The following PHF19 variants were observed in gnomAD, a reference collection of about 807,000 sequenced individuals.
The protein encoded by PHF19 is polycomb like 3.
Under a neutral mutation model 79.8 loss-of-function variants are expected in PHF19, and 21 were observed. That is an observed-to-expected ratio of 0.26 (90% CI 0.19 to 0.38). The LOEUF (loss-of-function observed/expected upper bound fraction) is 0.38, where lower values mean the gene tolerates loss of function less well. Among genes scored for constraint, PHF19 ranks in the 10% least tolerant of loss-of-function variants. PHF19 has a pLI of 1.00. For synonymous variants in PHF19, 273 were observed against 296.3 expected, an observed-to-expected ratio of 0.92 and a Z score of 0.81; for missense variants, 445 against 744.2, an observed-to-expected ratio of 0.60 and a Z score of 4.68.
At chr9:120,873,905 G>A in intron 3 of PHF19, 74 bp downstream of exon 3, 1 of 770,256 alleles carries the variant, frequency 1.3e-6, no homozygotes, top group Non-Finnish European at 2.3e-6. Context: ...AAGGACAGAA[G>A]GAAGAAATGA....
upstream of PHF19, chr9:120,877,229 G>GGGCGGGGCGGGGGCGC (rs2046091838): frequency 1.1e-6 from 1 of 949,868 alleles, no homozygotes; most frequent in Non-Finnish European, 1.3e-6. Flanking sequence ...GGCGGGGGCG[G>GGGCGGGGCGGGGGCGC]GGCGGGGCGG....
intron 10 of PHF19, among the ~76,000 whole-genome samples, chr9:120,863,310 G>A (rs1202189606): frequency 6.6e-6 from 1 of 151,654 alleles, no homozygotes; most frequent in African/African-American, 2.4e-5. Context: ...GGAAGAGAGA[G>A]TGGATAATTC....
intron 1 of PHF19, among the ~76,000 whole-genome samples, chr9:120,894,471 C>A (rs980278850): frequency 1.3e-5 from 2 of 152,210 alleles, no homozygotes; most frequent in Non-Finnish European, 1.5e-5. Flanking sequence ...TTCTGGCCAT[C>A]CCGGAGGTAC....
At chr9:120,858,805 C>T (rs2045421928) in intron 14 of PHF19, among the ~76,000 whole-genome samples, 1 of 115,572 alleles carries the variant, frequency 8.7e-6, no homozygotes, top group Non-Finnish European at 1.9e-5. Context: ...GAGAGACTGA[C>T]AGACATCACA....
At chr9:120,885,076 G>A (rs1459252854) in intron 1 of PHF19, among the ~76,000 whole-genome samples, 4 of 151,988 alleles carry the variant, frequency 2.6e-5, no homozygotes, top group Non-Finnish European at 5.9e-5. Context: ...TAAATTAGCT[G>A]GGGTGGTGAC....
chr9:120,896,408 T>G (rs980773199), upstream of PHF19, among the ~76,000 whole-genome samples: 15 of 151,112 alleles, frequency 9.9e-5, 1 homozygote, highest in African/African-American at 3.4e-4. Context: ...ACAGTGTTGG[T>G]TTTTGTGTAG....
Position 120,857,725 on chromosome 9 carries a change from G to A in PHF19, c.*219C>T, listed in dbSNP as rs2045392079. 1 of 511,496 alleles carries A rather than the reference G, an allele frequency of 2.0e-6. No individual in the cohort carries two copies. The highest frequency in any genetic ancestry group is 3.5e-6 in the Non-Finnish European group (1 of 288,838). 31.7% of individuals were successfully genotyped at this position (511,496 alleles called of 1,614,324 possible). A position where few individuals can be genotyped will look rare whatever the true frequency, so the allele number is the denominator to read the frequency against. On this transcript the variant is annotated 3_prime_UTR_variant, in exon 15 of 15. Transcript: ENST00000373896. ...GGGTGTGGAGTGTGTAGAGACACAG[G>A]CACAGGGGTAACGAGCCTGAGGAGG... is the stretch of plus-strand genomic sequence containing the variant.
chr9:120,898,583 A>C (rs2046419342), upstream of PHF19, among the ~76,000 whole-genome samples: 1 of 152,238 alleles, frequency 6.6e-6, no homozygotes, highest in Non-Finnish European at 1.5e-5. Flanking sequence ...TTCAGAACTA[A>C]AACTGGATGT....
At chr9:120,868,970 CCT>C in intron 6 of PHF19, 1 of 317,484 alleles carries the variant, frequency 3.1e-6, no homozygotes, top group Non-Finnish European at 4.5e-6. Context: ...CTGACCCCCC[CCT>C]CCCCGAGTCC....
intron 1 of PHF19, among the ~76,000 whole-genome samples, chr9:120,885,806 C>T (rs1366779042): frequency 2.6e-5 from 4 of 152,138 alleles, no homozygotes; most frequent in Non-Finnish European, 4.4e-5. Context: ...TTGAGTGTTC[C>T]ATGACATGTG....
chr9:120,894,986 G>T, upstream of PHF19: 1 of 373,860 alleles, frequency 2.7e-6, no homozygotes, highest in South Asian at 1.4e-4. Context: ...GCCTGCCATG[G>T]GCGAGGACCT....
upstream of PHF19, among the ~76,000 whole-genome samples, chr9:120,898,152 T>G (rs2046416940): frequency 6.6e-6 from 1 of 152,234 alleles, no homozygotes; most frequent in African/African-American, 2.4e-5. Context: ...AGTCTTGCTC[T>G]GTCTCCCAGG....
Position 120,860,025 on chromosome 9 carries a change from G to C in PHF19, c.1400+65C>G. On this transcript the variant is annotated intron_variant, in intron 14 of 14. Coordinates refer to ENST00000373896, the MANE Select transcript of PHF19 (RefSeq NM_015651.3). This position sits in a 1 kb window ranked among gnomAD's most constrained non-coding sequence, Gnocchi z 4.1. Reference sequence around the variant, plus strand: ...GAGCCACACATTACAGAAGTGGGAGGTGGAGGGGCTGAGAGGAATGATGGT... The same window carrying C: ...GAGCCACACATTACAGAAGTGGGAGCTGGAGGGGCTGAGAGGAATGATGGT... 1 of 814,186 alleles carries C rather than the reference G, an allele frequency of 1.2e-6. No homozygotes were observed. Among genetic ancestry groups the C allele is most frequent in the Admixed American group, 2.0e-5 (1 of 50,052 alleles). 50.4% of individuals were successfully genotyped at this position (814,186 alleles called of 1,614,324 possible). A position where few individuals can be genotyped will look rare whatever the true frequency, so the allele number is the denominator to read the frequency against.
At chr9:120,887,887 C>T (rs2046289032) in intron 1 of PHF19, among the ~76,000 whole-genome samples, 1 of 152,174 alleles carries the variant, frequency 6.6e-6, no homozygotes. Context: ...TTCTGCTTCT[C>T]CAGGGACTGA....
chr9:120,869,596 T>C lies in PHF19; in HGVS notation c.465+249A>G, dbSNP rs1321146101. The C allele has an allele frequency of 1.4e-6, 2 of 1,477,624 alleles. No homozygotes were observed. Among genetic ancestry groups the C allele is most frequent in the Non-Finnish European group, 1.8e-6 (2 of 1,115,282 alleles). 91.5% of individuals were successfully genotyped at this position (1,477,624 alleles called of 1,614,324 possible). ...CATGTATTTACATGGATTTTCTTTT[T>C]TAATAGTAAAGCATCATTTATTGGT... On this transcript the variant is annotated intron_variant, in intron 5 of 14. Coordinates refer to ENST00000373896, the MANE Select transcript of PHF19 (RefSeq NM_015651.3). This position sits in a 1 kb window ranked among gnomAD's most constrained non-coding sequence, Gnocchi z 5.8.
In PHF19 at chr9:120,870,866, G is replaced by T. The variant is rs1363272015; in HGVS notation, c.269-328C>A. On this transcript the variant is annotated intron_variant, in intron 3 of 14. Transcript: ENST00000373896. The surrounding 1 kb of genome is among the most constrained non-coding windows in gnomAD (Gnocchi z 4.4). ...CCTTATTTAACTTGTTTTGTTAAATGGTTGTTATTTTCTTAAAACTTTATT... is the reference window on the plus strand; with the variant it reads ...CCTTATTTAACTTGTTTTGTTAAATTGTTGTTATTTTCTTAAAACTTTATT... Among the ~76,000 whole-genome samples, 1 of 152,138 alleles carries T rather than the reference G, an allele frequency of 6.6e-6. No homozygotes were observed. Among genetic ancestry groups the T allele is most frequent in the Non-Finnish European group, 1.5e-5 (1 of 68,024 alleles).
chr9:120,862,495 G>A lies in PHF19; in HGVS notation c.1130+93C>T. ...CTAGCCCTCTCAGGGTCCTACAGCT[G>A]GGACTGGCTGGGTGCAGGTCCTCCT... is the stretch of plus-strand genomic sequence containing the variant. On this transcript the variant is annotated intron_variant, in intron 11 of 14. Coordinates refer to ENST00000373896, the MANE Select transcript of PHF19 (RefSeq NM_015651.3). This position sits in a 1 kb window ranked among gnomAD's most constrained non-coding sequence, Gnocchi z 4.6. The A allele has an allele frequency of 9.1e-7, 1 of 1,100,336 alleles. No homozygotes were observed. The highest frequency in any genetic ancestry group is 1.4e-6 in the Non-Finnish European group (1 of 734,842). The allele number at this position is 1,100,336 out of a possible 1,614,324, so 68.2% of individuals were successfully genotyped here. A position where few individuals can be genotyped will look rare whatever the true frequency, so the allele number is the denominator to read the frequency against.
chr9:120,872,037 C>CAAAAAAAAAGA (rs2045912428), intron 3 of PHF19, among the ~76,000 whole-genome samples: 20 of 30,324 alleles, frequency 6.6e-4, no homozygotes, highest in African/African-American at 8.0e-4. Context: ...GACTCTGTCT[C>CAAAAAAAAAGA]AAAAAAAAAA....
chr9:120,877,243 C>A (rs1013618824), upstream of PHF19: 4 of 912,740 alleles, frequency 4.4e-6, no homozygotes, highest in African/African-American at 7.3e-5. Flanking sequence ...GGGGCGGGGG[C>A]GCCGCGGGGA....
Sources: allele counts gnomAD v4.1 joint callset (sites outside exome capture counted in the v4.1 genomes callset), GRCh38; gene constraint gnomAD v4.1.1; non-coding constraint Gnocchi (gnomAD v3.1); transcripts MANE v1.5; gene names NCBI Gene and HGNC (gene_info 2026-07-23, HGNC 2026-07-21).